The following BCL2 variants were observed in gnomAD, a reference collection of about 807,000 sequenced individuals.
The protein encoded by BCL2 is apoptosis regulator Bcl-2.
BCL2 carries 1 observed loss-of-function variant against 14.2 expected under a neutral mutation model. The ratio of observed to expected loss-of-function variants is 0.07; its 90% CI spans 0.02 to 0.33. The LOEUF is 0.33. Among genes scored for constraint, BCL2 ranks in the 10% least tolerant of loss-of-function variants. BCL2 has a pLI of 0.99. For missense variants in BCL2, 247 were observed against 305.9 expected, an observed-to-expected ratio of 0.81 and a Z score of 1.44; for synonymous variants, 151 against 137.2, an observed-to-expected ratio of 1.10 and a Z score of -0.70.
chr18:63,180,683 G>A (rs1439369759), intron 2 of BCL2, among the ~76,000 whole-genome samples: 1 of 152,146 alleles, frequency 6.6e-6, no homozygotes, highest in Admixed American at 6.5e-5. Context: ...GTAGGATAGG[G>A]GGTCTCCAGC....
At chr18:63,229,726 C>T (rs1214515560) in intron 2 of BCL2, among the ~76,000 whole-genome samples, 1 of 152,198 alleles carries the variant, frequency 6.6e-6, no homozygotes, top group Non-Finnish European at 1.5e-5. Flanking sequence ...AACCGTAAGT[C>T]AATTAAACCT....
At chr18:63,290,092 T>C (rs1195688186) in intron 2 of BCL2, among the ~76,000 whole-genome samples, 5 of 151,946 alleles carry the variant, frequency 3.3e-5, no homozygotes, top group South Asian at 4.2e-4. Context: ...GCTGGAAGAA[T>C]GCACCCTAGG....
chr18:63,270,387 C>T (rs1230149311), intron 2 of BCL2, among the ~76,000 whole-genome samples: 3 of 152,054 alleles, frequency 2.0e-5, no homozygotes, highest in Admixed American at 2.0e-4. Flanking sequence ...TATAATGTAG[C>T]CTTAACAAAG....
intron 2 of BCL2, among the ~76,000 whole-genome samples, chr18:63,250,874 C>T (rs543052025): frequency 6.6e-6 from 1 of 152,212 alleles, no homozygotes; most frequent in South Asian, 2.1e-4. Context: ...ATTTTTATTG[C>T]TTATTACAAT....
Position 63,127,453 on chromosome 18 carries a change from T to G in BCL2, c.*1172A>C, listed in dbSNP as rs766695698. The stretch of plus-strand genomic sequence containing the variant: ...CCCATGCTCCACGTGAAAACGGGCC[T>G]ACCTGGAGGGCCCCAGGGTGACAGG... On this transcript the variant is annotated 3_prime_UTR_variant, in exon 3 of 3. Transcript: ENST00000333681. 33 of 234,410 alleles carry G rather than the reference T, an allele frequency of 1.4e-4. No individual in the cohort carries two copies. The highest frequency in any genetic ancestry group is 2.5e-4 in the Non-Finnish European group (30 of 118,850). The allele number at this position is 234,410 out of a possible 1,614,324, so 14.5% of individuals were successfully genotyped here. A position where few individuals can be genotyped will look rare whatever the true frequency, so the allele number is the denominator to read the frequency against.
At chr18:63,236,610 G>C (rs180825332) in intron 2 of BCL2, among the ~76,000 whole-genome samples, 225 of 152,288 alleles carry the variant, frequency 1.5e-3, no homozygotes, top group African/African-American at 4.9e-3. Context: ...TCGATAAAAA[G>C]GGAAGAAACC....
At chr18:63,226,338 C>A (rs549285250) in intron 2 of BCL2, among the ~76,000 whole-genome samples, 3 of 152,262 alleles carry the variant, frequency 2.0e-5, no homozygotes, top group African/African-American at 7.2e-5. Flanking sequence ...GATGTAAATT[C>A]TCCCTTTGGA....
chr18:63,257,423 T>A (rs1444211824), intron 2 of BCL2, among the ~76,000 whole-genome samples: 1 of 152,154 alleles, frequency 6.6e-6, no homozygotes, highest in Non-Finnish European at 1.5e-5. Context: ...AAACAGAAAT[T>A]ATGCTGTCAT....
intron 2 of BCL2, among the ~76,000 whole-genome samples, chr18:63,256,418 T>A (rs981709745): frequency 5.9e-5 from 9 of 152,196 alleles, no homozygotes; most frequent in African/African-American, 2.2e-4. Flanking sequence ...GGTTTCACCA[T>A]GTTGGCCAGG....
Position 63,169,403 on chromosome 18 carries a change from TTTTCTTTC to T in BCL2, c.586-40652_586-40645del, listed in dbSNP as rs1202574660. Among the ~76,000 whole-genome samples the T allele has an allele frequency of 1.6e-4, 16 of 102,526 alleles. 1 individual carries two copies. The highest frequency in any genetic ancestry group is 6.2e-4 in the African/African-American group (11 of 17,752). 67.3% of individuals were successfully genotyped at this position (102,526 alleles called of 152,430 possible). Reference sequence around the variant, plus strand: ...TCTTTCTTTCTTTTTCTTTCTTTCTTTTTCTTTCTCTCTCTCTCTCTCTCTTTCTTTTT... The same window carrying T: ...TCTTTCTTTCTTTTTCTTTCTTTCTTTCTCTCTCTCTCTCTCTTTCTTTTT... On this transcript the variant is annotated intron_variant, in intron 2 of 2. Transcript: ENST00000333681.
chr18:63,303,810 CAATGT>C (rs1206764657), intron 2 of BCL2, among the ~76,000 whole-genome samples: 1 of 152,044 alleles, frequency 6.6e-6, no homozygotes, highest in African/African-American at 2.4e-5. Flanking sequence ...GGCCAATGAC[CAATGT>C]TGTCATAAAT....
At chr18:63,158,565 C>T (rs1462551244) in intron 2 of BCL2, among the ~76,000 whole-genome samples, 2 of 152,194 alleles carry the variant, frequency 1.3e-5, no homozygotes, top group African/African-American at 2.4e-5. Context: ...TGTGCTGGCC[C>T]TGTTTAGGCA....
chr18:63,192,794 C>T (rs1909323818), intron 2 of BCL2, among the ~76,000 whole-genome samples: 3 of 152,228 alleles, frequency 2.0e-5, no homozygotes, highest in African/African-American at 7.2e-5. Context: ...CCCAGAAATG[C>T]TTCCCTGTCT....
At chr18:63,291,250 G>T (rs368190142) in intron 2 of BCL2, among the ~76,000 whole-genome samples, 2 of 152,172 alleles carry the variant, frequency 1.3e-5, no homozygotes, top group African/African-American at 2.4e-5. Context: ...TGCTTGAGGC[G>T]CATATGATTG....
chr18:63,146,694 G>A (rs938989931), intron 2 of BCL2, among the ~76,000 whole-genome samples: 2 of 151,942 alleles, frequency 1.3e-5, no homozygotes, highest in Non-Finnish European at 2.9e-5. Context: ...TTTCATTTCC[G>A]TTTGAACCAG....
intron 2 of BCL2, among the ~76,000 whole-genome samples, chr18:63,155,714 G>C (rs530039587): frequency 1.3e-5 from 2 of 152,194 alleles, no homozygotes; most frequent in Admixed American, 1.3e-4. Context: ...GTGGTGGAGC[G>C]GGGAAGAGAG....
At chr18:63,261,392 T>G (rs1911655014) in intron 2 of BCL2, among the ~76,000 whole-genome samples, 1 of 141,038 alleles carries the variant, frequency 7.1e-6, no homozygotes, top group South Asian at 2.4e-4. Flanking sequence ...AGCACGATGC[T>G]TGATCCATAG....
chr18:63,133,949 T>C lies in BCL2; in HGVS notation c.586-5190A>G, dbSNP rs112388513. On this transcript the variant is annotated intron_variant, in intron 2 of 2. Transcript: ENST00000333681. ...CACATGATGGAGTGCTGTTCAGCAT[T>C]AAAAGTCATACCCTATAGTTATTGG... 3.2e-3 allele frequency among the ~76,000 whole-genome samples: 481 copies of C among 152,284 alleles called. 4 individuals are homozygous for C. The highest frequency in any genetic ancestry group is 0.011 in the African/African-American group (450 of 41,546).
intron 2 of BCL2, among the ~76,000 whole-genome samples, chr18:63,174,261 C>T (rs1289427552): frequency 1.3e-5 from 2 of 152,118 alleles, no homozygotes; most frequent in African/African-American, 4.8e-5. Flanking sequence ...TCACTTAATG[C>T]TAAGGGACCC....
Sources: allele counts gnomAD v4.1 joint callset (sites outside exome capture counted in the v4.1 genomes callset), GRCh38; gene constraint gnomAD v4.1.1; transcripts MANE v1.5; gene names NCBI Gene and HGNC (gene_info 2026-07-23, HGNC 2026-07-21).